Variants in INHBC observed in about 807,000 individuals in gnomAD.
INHBC encodes inhibin subunit beta C.
In INHBC, 10 loss-of-function variants were observed where a neutral mutation model predicts 12.4. The observed-to-expected ratio is 0.81, with a 90% CI of 0.50 to 1.37. INHBC has a LOEUF of 1.37. Ranked by LOEUF, INHBC falls within the 40% of genes most tolerant of loss-of-function variation. The pLI, the probability that INHBC is intolerant of heterozygous loss-of-function variation, is 0.00. For missense variants in INHBC, 382 were observed against 439.4 expected (o/e 0.87, Z 1.17); for synonymous variants, 147 against 171.6 (o/e 0.86, Z 1.12).
At chr12:57,437,664 C>A (rs1870372299) in intron 1 of INHBC, among the ~76,000 whole-genome samples, 1 of 126,920 alleles carries the variant, frequency 7.9e-6, no homozygotes, top group Admixed American at 8.2e-5. Flanking sequence ...GAGTGACACT[C>A]CGTCTCAAAA....
rs1215146164 is a variant in INHBC, at chr12:57,449,670, G to A, written c.707G>A (p.Arg236Gln). Reference sequence around the variant, plus strand: ...GGGGGCAAACACCAGATTCACCGACGAGGCATCGACTGCCAAGGAGGGTCC... The same window carrying A: ...GGGGGCAAACACCAGATTCACCGACAAGGCATCGACTGCCAAGGAGGGTCC... ...RVGGKHQIHR[R>Q]GIDCQGGSRM... is the part of the protein sequence containing the mutation. Residue 236 changes from arginine (R) to glutamine (Q), a missense_variant, in exon 2 of 2, where the codon CGA becomes CAA. Arg to Gln is a conservative substitution (Grantham distance 43, BLOSUM62 1). Transcript: ENST00000309668. 6.2e-6 allele frequency: 10 copies of A among 1,614,244 alleles called. No homozygotes were observed. The highest frequency in any genetic ancestry group is 1.3e-5 in the African/African-American group (1 of 75,074).
chr12:57,438,529 T>G (rs1402210841), intron 1 of INHBC, among the ~76,000 whole-genome samples: 1 of 152,206 alleles, frequency 6.6e-6, no homozygotes, highest in African/African-American at 2.4e-5. Flanking sequence ...CCAAGTTTCT[T>G]TAGAGAATGG....
At chr12:57,445,616 C>T (rs1248565324) in intron 1 of INHBC, among the ~76,000 whole-genome samples, 1 of 151,104 alleles carries the variant, frequency 6.6e-6, no homozygotes, top group Non-Finnish European at 1.5e-5. Flanking sequence ...AGGCTGGGCA[C>T]ATTGACTTAT....
chr12:57,435,119 A>C lies in INHBC; in HGVS notation c.233A>C (p.His78Pro). Residue 78 changes from histidine (H) to proline (P), a missense_variant, in exon 1 of 2, where the codon CAC becomes CCC. By Grantham distance (77) the His-to-Pro change is moderately conservative. Coordinates refer to ENST00000309668, the MANE Select transcript of INHBC (RefSeq NM_005538.4). ...SRAALRTALQHLHGVPQGALL... is the reference protein window; with the variant it reads ...SRAALRTALQPLHGVPQGALL... Reference sequence around the variant, plus strand: ...GCTGCTTTGAGGACTGCACTGCAGCACCTCCACGGGGTCCCACAGGGGGCA... The same window carrying C: ...GCTGCTTTGAGGACTGCACTGCAGCCCCTCCACGGGGTCCCACAGGGGGCA... The C allele has an allele frequency of 6.2e-7, 1 of 1,614,160 alleles. No individual in the cohort carries two copies. The highest frequency in any genetic ancestry group is 8.5e-7 in the Non-Finnish European group (1 of 1,180,020).
chr12:57,434,794 C>A lies in INHBC; in HGVS notation c.-93C>A. 1 of 1,214,426 alleles carries A rather than the reference C, an allele frequency of 8.2e-7. No individual in the cohort carries two copies. Among genetic ancestry groups the A allele is most frequent in the Non-Finnish European group, 1.1e-6 (1 of 870,330 alleles). The allele number at this position is 1,214,426 out of a possible 1,614,324, so 75.2% of individuals were successfully genotyped here. ...ATGCCAGCTGGACACACACTTCTTC[C>A]AGGGCCTCTGGCAGCCAGGACAGAG... On this transcript the variant is annotated 5_prime_UTR_variant, in exon 1 of 2. Coordinates refer to ENST00000309668, the MANE Select transcript of INHBC (RefSeq NM_005538.4).
chr12:57,449,210 A>G, intron 1 of INHBC, 67 bp from the exon 2 acceptor site: 1 of 1,539,430 alleles, frequency 6.5e-7, no homozygotes, highest in Admixed American at 2.0e-5. Context: ...AATGCTGAGT[A>G]CAGAGAAATA....
chr12:57,443,341 A>G (rs373922406), intron 1 of INHBC, among the ~76,000 whole-genome samples: 28 of 150,284 alleles, frequency 1.9e-4, no homozygotes, highest in African/African-American at 6.4e-4. Context: ...CTGGAGTGCA[A>G]TGGCATGATC....
chr12:57,443,235 A>C (rs888416976), intron 1 of INHBC, among the ~76,000 whole-genome samples: 1 of 142,336 alleles, frequency 7.0e-6, no homozygotes, highest in Non-Finnish European at 1.5e-5. Flanking sequence ...CTCCTGCCTC[A>C]GCCTCCTGAG....
rs1470332298 is a variant in INHBC, at chr12:57,449,901, G to A, written c.938G>A (p.Gly313Glu). Residue 313 changes from glycine (G) to glutamate (E), a missense_variant, in exon 2 of 2, where the codon GGG becomes GAG. Gly to Glu is a moderately conservative substitution (Grantham distance 98). Transcript: ENST00000309668. ...AACACAGCTGCAGGCACCACTGGAGGGGGCTCATGCTGTGTACCCACGGCC... is the reference window on the plus strand; with the variant it reads ...AACACAGCTGCAGGCACCACTGGAGAGGGCTCATGCTGTGTACCCACGGCC... ...KANTAAGTTG[G>E]GSCCVPTARR... 12 of 1,610,392 alleles carry A rather than the reference G, an allele frequency of 7.5e-6. No homozygotes were observed. Among genetic ancestry groups the A allele is most frequent in the Non-Finnish European group, 1.0e-5 (12 of 1,177,804 alleles).
intron 1 of INHBC, among the ~76,000 whole-genome samples, chr12:57,439,435 C>G (rs994782834): frequency 1.3e-5 from 2 of 152,134 alleles, no homozygotes; most frequent in Non-Finnish European, 2.9e-5. Context: ...CCTCTCAGCC[C>G]TTGGCCTCTA....
chr12:57,435,174 T>C lies in INHBC; in HGVS notation c.288T>C (p.Cys96=), dbSNP rs776230646. ...ALLEDNREQE[C]EIISFAETGL... ...TAGAGGACAACAGGGAACAGGAATG[T>C]GAAATCATCAGCTTTGCTGAGACAG... The change falls in exon 1 of 2, where the codon TGT becomes TGC. Residue 96 remains cysteine, a synonymous_variant. Transcript: ENST00000309668. 5 of 1,612,802 alleles carry C rather than the reference T, an allele frequency of 3.1e-6. No homozygotes were observed. The highest frequency in any genetic ancestry group is 4.2e-6 in the Non-Finnish European group (5 of 1,178,978).
Position 57,450,774 on chromosome 12 carries a change from C to T in INHBC, c.*752C>T, listed in dbSNP as rs183290361. 2 of 152,602 alleles carry T rather than the reference C, an allele frequency of 1.3e-5. No individual in the cohort carries two copies. The highest frequency in any genetic ancestry group is 4.8e-5 in the African/African-American group (2 of 41,508). The allele number at this position is 152,602 out of a possible 1,614,324, so 9.5% of individuals were successfully genotyped here. A position where few individuals can be genotyped will look rare whatever the true frequency, so the allele number is the denominator to read the frequency against. On this transcript the variant is annotated 3_prime_UTR_variant, in exon 2 of 2. Coordinates refer to ENST00000309668, the MANE Select transcript of INHBC (RefSeq NM_005538.4). ...GTGTAACTGTGGCTATTCTGTGTCC[C>T]TACACTACCTGGCTACCCCCTTCCA...
chr12:57,448,208 A>G (rs966083519), intron 1 of INHBC, among the ~76,000 whole-genome samples: 1 of 151,946 alleles, frequency 6.6e-6, no homozygotes, highest in African/African-American at 2.4e-5. Flanking sequence ...TTCCAAATCT[A>G]TATGTCCGGT....
chr12:57,434,814 A>G lies in INHBC; in HGVS notation c.-73A>G. On this transcript the variant is annotated 5_prime_UTR_variant, in exon 1 of 2. Coordinates refer to ENST00000309668, the MANE Select transcript of INHBC (RefSeq NM_005538.4). ...TCTTCCAGGGCCTCTGGCAGCCAGG[A>G]CAGAGTTGAGACCACAGCTGTTGAG... 7.1e-7 allele frequency: 1 copy of G among 1,416,444 alleles called. No homozygotes were observed. Among genetic ancestry groups the G allele is most frequent in the Non-Finnish European group, 9.6e-7 (1 of 1,036,306 alleles). The allele number at this position is 1,416,444 out of a possible 1,614,324, so 87.7% of individuals were successfully genotyped here. A position where few individuals can be genotyped will look rare whatever the true frequency, so the allele number is the denominator to read the frequency against.
intron 1 of INHBC, among the ~76,000 whole-genome samples, chr12:57,448,362 A>G (rs1870634275): frequency 6.6e-6 from 1 of 152,002 alleles, no homozygotes; most frequent in Non-Finnish European, 1.5e-5. Context: ...CAAGGTCAGG[A>G]GTTCAAGACC....
At position 57,449,694 on chromosome 12, in the gene INHBC, C is replaced by G. The variant is rs769809627; in HGVS notation, c.731C>G (p.Ser244Cys). Residue 244 changes from serine to cysteine, a missense_variant, in exon 2 of 2, where the codon TCC (serine) becomes TGC (cysteine). Physicochemically the swap from Ser to Cys is moderately radical, Grantham distance 112 (BLOSUM62 -1). Coordinates refer to ENST00000309668, the MANE Select transcript of INHBC (RefSeq NM_005538.4). ...CGAGGCATCGACTGCCAAGGAGGGT[C>G]CAGGATGTGCTGTCGACAAGAGTTT... ...HRRGIDCQGG[S>C]RMCCRQEFFV... is the part of the protein sequence containing the mutation. The G allele has an allele frequency of 6.2e-7, 1 of 1,614,258 alleles. No individual in the cohort carries two copies. Among genetic ancestry groups the G allele is most frequent in the Non-Finnish European group, 8.5e-7 (1 of 1,180,048 alleles).
intron 1 of INHBC, among the ~76,000 whole-genome samples, chr12:57,436,772 T>C (rs1159180743): frequency 2.0e-5 from 3 of 152,140 alleles, no homozygotes; most frequent in South Asian, 2.1e-4. Context: ...GTTCACGCCA[T>C]TCTCCTGCCT....
Position 57,449,932 on chromosome 12 carries a change from C to A in INHBC, c.969C>A (p.Arg323=). Residue 323 remains arginine (R), a synonymous_variant, in exon 2 of 2, where the codon CGC becomes CGA. Coordinates refer to ENST00000309668, the MANE Select transcript of INHBC (RefSeq NM_005538.4). The part of the protein sequence containing the change: ...GGSCCVPTAR[R]PLSLLYYDRD... Reference sequence around the variant, plus strand: ...CATGCTGTGTACCCACGGCCCGGCGCCCCCTGTCTCTGCTCTATTATGACA... The same window carrying A: ...CATGCTGTGTACCCACGGCCCGGCGACCCCTGTCTCTGCTCTATTATGACA... 1 of 1,586,332 alleles carries A rather than the reference C, an allele frequency of 6.3e-7. No individual in the cohort carries two copies. The highest frequency in any genetic ancestry group is 8.6e-7 in the Non-Finnish European group (1 of 1,165,250).
chr12:57,437,710 C>CCCTTTGCAA (rs1259194269), intron 1 of INHBC, among the ~76,000 whole-genome samples: 1 of 151,358 alleles, frequency 6.6e-6, no homozygotes, highest in East Asian at 1.9e-4. Flanking sequence ...GCCAATTGAG[C>CCCTTTGCAA]CCTTTGCAAG....
Sources: allele counts gnomAD v4.1 joint callset (sites outside exome capture counted in the v4.1 genomes callset), GRCh38; gene constraint gnomAD v4.1.1; transcripts MANE v1.5; gene names NCBI Gene and HGNC (gene_info 2026-07-23, HGNC 2026-07-21).